The following HPSE2 variants were observed in gnomAD, a reference collection of about 807,000 sequenced individuals.
HPSE2 encodes inactive heparanase-2.
A neutral mutation model predicts 60.5 loss-of-function variants in HPSE2; 38 were observed. The ratio of observed to expected loss-of-function variants is 0.63; its 90% CI spans 0.48 to 0.82. HPSE2 has a LOEUF of 0.82. Ranked by LOEUF, HPSE2 falls within the 40% of genes least tolerant of loss-of-function variation. HPSE2 has a pLI of 0.00. For synonymous variants in HPSE2, 295 were observed against 293.2 expected, an observed-to-expected ratio of 1.01 and a Z score of -0.06; for missense variants, 713 against 740.4, an observed-to-expected ratio of 0.96 and a Z score of 0.43.
At chr10:98,879,860 T>TGTGTGTGTGTGTGTG in intron 3 of HPSE2, among the ~76,000 whole-genome samples, 1 of 150,224 alleles carries the variant, frequency 6.7e-6, no homozygotes, top group South Asian at 2.1e-4. Flanking sequence ...TGCGTGTGTG[T>TGTGTGTGTGTGTGTG]GTGTGTGTGT....
intron 3 of HPSE2, among the ~76,000 whole-genome samples, chr10:99,138,389 G>C (rs1312771336): frequency 4.6e-5 from 7 of 152,130 alleles, no homozygotes; most frequent in African/African-American, 1.4e-4. Flanking sequence ...TCCCATTACT[G>C]GGTATATACC....
chr10:99,197,981 G>A (rs1182503988), intron 2 of HPSE2, among the ~76,000 whole-genome samples: 1 of 151,546 alleles, frequency 6.6e-6, no homozygotes, highest in African/African-American at 2.4e-5. Flanking sequence ...TGAGGCAAGA[G>A]AATTGCTTGA....
chr10:99,198,118 G>C (rs1272353144), intron 2 of HPSE2, among the ~76,000 whole-genome samples: 5 of 151,032 alleles, frequency 3.3e-5, no homozygotes, highest in African/African-American at 4.9e-5. Context: ...TTTATTACCA[G>C]CTAATAAGAT....
chr10:98,650,549 G>C (rs1946888302), intron 6 of HPSE2, among the ~76,000 whole-genome samples: 1 of 152,046 alleles, frequency 6.6e-6, no homozygotes, highest in Admixed American at 6.5e-5. Context: ...AGTTTGAATT[G>C]ATTGAGTGTC....
intron 8 of HPSE2, among the ~76,000 whole-genome samples, chr10:98,619,470 G>T (rs546931493): frequency 1.3e-5 from 2 of 152,136 alleles, no homozygotes; most frequent in Non-Finnish European, 2.9e-5. Context: ...ACACAAGTCA[G>T]ATTCTCCAGA....
intron 2 of HPSE2, among the ~76,000 whole-genome samples, chr10:99,183,807 G>A (rs1048640774): frequency 5.3e-5 from 8 of 152,260 alleles, no homozygotes; most frequent in African/African-American, 1.9e-4. Flanking sequence ...AGTTCACATA[G>A]GACCAGAATA....
At chr10:99,258,140 C>CA in the HPSE2 span, among the ~76,000 whole-genome samples, 560 of 132,608 alleles carry the variant, frequency 4.2e-3, 2 homozygotes, top group Admixed American at 6.4e-3. Context: ...GACTGCATCT[C>CA]AAAAAAAAAA....
the HPSE2 span, among the ~76,000 whole-genome samples, chr10:99,275,548 C>G: frequency 6.6e-6 from 1 of 152,082 alleles, no homozygotes; most frequent in African/African-American, 2.4e-5. Flanking sequence ...TAAGTATTAC[C>G]TGCTTTGGTT....
At position 98,793,852 on chromosome 10, in the gene HPSE2, G is replaced by A. The variant is rs1950712936; in HGVS notation, c.611-49796C>T. On this transcript the variant is annotated intron_variant, in intron 3 of 11. Coordinates refer to ENST00000370552, the MANE Select transcript of HPSE2 (RefSeq NM_021828.5). ...AAAGGTTTGAAAGTAGAACAAGCTT[G>A]GAATCTTTGAGGAGCAAAAAGAAAG... Among the ~76,000 whole-genome samples the A allele has an allele frequency of 2.0e-5, 3 of 152,282 alleles. No homozygotes were observed. In the South Asian group the frequency reaches 6.2e-4, roughly 32 times the overall value.
intron 3 of HPSE2, among the ~76,000 whole-genome samples, chr10:98,800,914 C>T (rs1950891320): frequency 6.6e-6 from 1 of 152,108 alleles, no homozygotes; most frequent in African/African-American, 2.4e-5. Context: ...CAGACAAAGA[C>T]ACATCAAAAA....
At chr10:99,030,448 A>C (rs1033713365) in intron 3 of HPSE2, among the ~76,000 whole-genome samples, 3 of 152,238 alleles carry the variant, frequency 2.0e-5, no homozygotes, top group Non-Finnish European at 4.4e-5. Context: ...AATGAGATAT[A>C]ATCTCGCCCC....
intron 3 of HPSE2, among the ~76,000 whole-genome samples, chr10:98,797,866 C>CA (rs1296764389): frequency 1.3e-5 from 2 of 151,242 alleles, no homozygotes; most frequent in Non-Finnish European, 3.0e-5. Context: ...AACAAAAAAA[C>CA]AAAAAAACAA....
At chr10:99,100,854 A>G (rs1049151615) in intron 3 of HPSE2, among the ~76,000 whole-genome samples, 4 of 152,230 alleles carry the variant, frequency 2.6e-5, no homozygotes, top group African/African-American at 9.6e-5. Context: ...TCTTAAAGAA[A>G]AGAATTTTCA....
chr10:99,173,943 C>CAAAAAAAAA (rs61074165), intron 2 of HPSE2, among the ~76,000 whole-genome samples: 1 of 99,956 alleles, frequency 1.0e-5, no homozygotes, highest in African/African-American at 6.3e-5. Context: ...GACTCTGTCT[C>CAAAAAAAAA]AAAAAAAAAA....
At chr10:98,941,978 G>A (rs1317307666) in intron 3 of HPSE2, among the ~76,000 whole-genome samples, 1 of 142,982 alleles carries the variant, frequency 7.0e-6, no homozygotes, top group African/African-American at 2.9e-5. Flanking sequence ...AAGCAATGGG[G>A]AAAGGATTCC....
intron 3 of HPSE2, among the ~76,000 whole-genome samples, chr10:99,040,104 C>A (rs1044584569): frequency 1.3e-5 from 2 of 152,106 alleles, no homozygotes; most frequent in Non-Finnish European, 2.9e-5. Flanking sequence ...GTACAGTTTT[C>A]TTTTTGTAGA....
Position 98,722,382 on chromosome 10 carries a change from G to T in HPSE2, c.785-554C>A, listed in dbSNP as rs955109221. On this transcript the variant is annotated intron_variant, in intron 4 of 11. Transcript: ENST00000370552. ...GCAGCCACCGGAAGCTAGGAAAGAG[G>T]CATGGAATAGATTCTCTCTCAAAAC... 3.3e-5 allele frequency among the ~76,000 whole-genome samples: 5 copies of T among 151,678 alleles called. No homozygotes were observed. In the Admixed American group the frequency reaches 3.3e-4, roughly 10 times the overall value.
chr10:98,688,649 A>AT (rs773479110), intron 6 of HPSE2, among the ~76,000 whole-genome samples: 121 of 149,954 alleles, frequency 8.1e-4, no homozygotes, highest in Admixed American at 3.1e-3. Context: ...TGATATTTGG[A>AT]TTTTTTAGTA....
intron 9 of HPSE2, among the ~76,000 whole-genome samples, chr10:98,575,829 C>T (rs1397555209): frequency 1.3e-5 from 2 of 152,178 alleles, no homozygotes; most frequent in Non-Finnish European, 2.9e-5. Context: ...AATTTGAAAT[C>T]AGACTACTAA....
Sources: gnomAD v4.1 joint callset for allele counts (sites outside exome capture counted in the v4.1 genomes callset) on GRCh38, gnomAD v4.1.1 for gene constraint, MANE v1.5 for transcripts, NCBI Gene and HGNC (gene_info 2026-07-23, HGNC 2026-07-21) for gene names.